Variants in GALNT18 observed in about 807,000 individuals in gnomAD.
GALNT18 encodes polypeptide N-acetylgalactosaminyltransferase 18, also known as GalNAc-transferase 18.
Under a neutral mutation model 69.5 loss-of-function variants are expected in GALNT18, and 44 were observed. That is an observed-to-expected ratio of 0.63 (90% CI 0.50 to 0.81). GALNT18 has a LOEUF of 0.81. GALNT18 is among the 40% of genes least tolerant of loss of function. The probability of loss-of-function intolerance (pLI) is 0.00; values close to 1 mark genes in which losing one functional copy is unlikely to be tolerated. For synonymous variants in GALNT18, 364 were observed against 318.2 expected (o/e 1.14, Z -1.53); for missense variants, 715 against 810.0 (o/e 0.88, Z 1.42).
At chr11:11,414,207 T>C (rs1854799717) in intron 3 of GALNT18, among the ~76,000 whole-genome samples, 1 of 152,222 alleles carries the variant, frequency 6.6e-6, no homozygotes. Context: ...GTGGCTACTC[T>C]TACCCATTCC....
At chr11:11,579,761 T>C (rs1025657306) in intron 1 of GALNT18, among the ~76,000 whole-genome samples, 11 of 152,210 alleles carry the variant, frequency 7.2e-5, no homozygotes, top group African/African-American at 2.7e-4. Flanking sequence ...CAGACAATTG[T>C]ATAAATCAAT....
chr11:11,303,493 A>G (rs1849531157), intron 9 of GALNT18, among the ~76,000 whole-genome samples: 1 of 152,064 alleles, frequency 6.6e-6, no homozygotes, highest in African/African-American at 2.4e-5. Flanking sequence ...ACTCAAGACA[A>G]TGCTGGCCCA....
At chr11:11,329,275 C>T (rs1032676459) in intron 8 of GALNT18, among the ~76,000 whole-genome samples, 9 of 152,046 alleles carry the variant, frequency 5.9e-5, no homozygotes, top group African/African-American at 2.2e-4. Context: ...CAAAGCCATT[C>T]AGGGAAACCA....
At chr11:11,406,657 C>T (rs142381047) in intron 3 of GALNT18, among the ~76,000 whole-genome samples, 83 of 152,266 alleles carry the variant, frequency 5.5e-4, no homozygotes, top group Non-Finnish European at 8.7e-4. Flanking sequence ...CCATACAAGT[C>T]GGGGCAGTAT....
chr11:11,400,835 C>T (rs1219438835), intron 3 of GALNT18, among the ~76,000 whole-genome samples: 2 of 151,910 alleles, frequency 1.3e-5, no homozygotes, highest in Admixed American at 6.5e-5. Flanking sequence ...AGGTGTCTAG[C>T]TCTTGTTCCA....
intron 1 of GALNT18, among the ~76,000 whole-genome samples, chr11:11,514,030 T>C (rs1857217012): frequency 6.6e-6 from 1 of 152,160 alleles, no homozygotes; most frequent in Non-Finnish European, 1.5e-5. Context: ...GGGGACCCTG[T>C]TGCTGTGAGA....
rs1193662464 is a variant in GALNT18 at position 11,480,609 on chromosome 11, A to T, written c.236-31673T>A. Among the ~76,000 whole-genome samples the T allele has an allele frequency of 6.6e-6, 1 of 152,108 alleles. No individual in the cohort carries two copies. The highest frequency in any genetic ancestry group is 1.9e-4 in the East Asian group (1 of 5,176). ...ACCTGGTCCCAGTACTGGTTTTGAGATCTGATTCTGTAATGCAGTGGCACC... is the reference window on the plus strand; with the variant it reads ...ACCTGGTCCCAGTACTGGTTTTGAGTTCTGATTCTGTAATGCAGTGGCACC... On this transcript the variant is annotated intron_variant, in intron 1 of 10. Transcript: ENST00000227756. This position sits in a 1 kb window ranked among gnomAD's most constrained non-coding sequence, Gnocchi z 4.6.
rs1356740592 is a variant in GALNT18, at chr11:11,396,734, G to A, written c.596-17470C>T. Among the ~76,000 whole-genome samples, 1 of 152,136 alleles carries A rather than the reference G, an allele frequency of 6.6e-6. No homozygotes were observed. The highest frequency in any genetic ancestry group is 6.5e-5 in the Admixed American group (1 of 15,286). On this transcript the variant is annotated intron_variant, in intron 3 of 10. Coordinates refer to ENST00000227756, the MANE Select transcript of GALNT18 (RefSeq NM_198516.3). The surrounding 1 kb of genome is among the most constrained non-coding windows in gnomAD (Gnocchi z 5.2). ...AAGAAGAACAGAGGTGAGAGCTCTG[G>A]ATCTCTAATCTGCAGTTGATGCTCT...
chr11:11,397,588 C>G (rs976090187), intron 3 of GALNT18, among the ~76,000 whole-genome samples: 3 of 152,126 alleles, frequency 2.0e-5, no homozygotes, highest in Admixed American at 6.5e-5. Context: ...CTCAGCCTCC[C>G]AAGTAGCTGG....
chr11:11,488,807 A>T (rs1564974831), intron 1 of GALNT18, among the ~76,000 whole-genome samples: 1 of 152,144 alleles, frequency 6.6e-6, no homozygotes, highest in South Asian at 2.1e-4. Flanking sequence ...CACCACATGG[A>T]TTCCTAAAAG....
intron 9 of GALNT18, among the ~76,000 whole-genome samples, chr11:11,319,823 A>C (rs1050315413): frequency 6.6e-6 from 1 of 152,214 alleles, no homozygotes; most frequent in Non-Finnish European, 1.5e-5. Flanking sequence ...TTTTTAAGCT[A>C]AACAATTCCT....
rs1041795227 is a variant in GALNT18 at position 11,563,670 on chromosome 11, C to T, written c.235+57689G>A. Among the ~76,000 whole-genome samples, 2 of 152,152 alleles carry T rather than the reference C, an allele frequency of 1.3e-5. No homozygotes were observed. The highest frequency in any genetic ancestry group is 1.9e-4 in the East Asian group (1 of 5,186). On this transcript the variant is annotated intron_variant, in intron 1 of 10. Coordinates refer to ENST00000227756, the MANE Select transcript of GALNT18 (RefSeq NM_198516.3). The surrounding 1 kb of genome is among the most constrained non-coding windows in gnomAD (Gnocchi z 4.6). ...TGGTTGCTGGTGGGGGCCCCACAGC[C>T]GGCAAGTGGGATTCAAACCCAGGCT...
At chr11:11,305,808 T>C (rs1419395148) in intron 9 of GALNT18, among the ~76,000 whole-genome samples, 2 of 152,238 alleles carry the variant, frequency 1.3e-5, no homozygotes, top group African/African-American at 2.4e-5. Flanking sequence ...CCCACCCTTA[T>C]ATCTCTATTA....
In GALNT18 at chr11:11,281,126, C is replaced by T. The variant is rs533240630; in HGVS notation, c.1678-9836G>A. Among the ~76,000 whole-genome samples the T allele has an allele frequency of 5.0e-4, 76 of 152,306 alleles. 4 individuals are homozygous for T. In the South Asian group the frequency reaches 0.013, roughly 27 times the overall value. ...CTTCCCCACCATGCTGGGAGCAGCA[C>T]GCAGGCAGGGGACCAAAACCAGCCC... On this transcript the variant is annotated intron_variant, in intron 10 of 10. Transcript: ENST00000227756.
intron 10 of GALNT18, among the ~76,000 whole-genome samples, chr11:11,290,730 A>C (rs560560052): frequency 4.6e-4 from 70 of 152,054 alleles, no homozygotes; most frequent in African/African-American, 1.7e-3. Flanking sequence ...CTGCACCACC[A>C]CCAACTTCCT....
intron 1 of GALNT18, among the ~76,000 whole-genome samples, chr11:11,450,331 T>C (rs1855765239): frequency 6.6e-6 from 1 of 152,162 alleles, no homozygotes; most frequent in African/African-American, 2.4e-5. Flanking sequence ...GCTGGAGTGC[T>C]GGGGCTATGG....
intron 1 of GALNT18, among the ~76,000 whole-genome samples, chr11:11,534,030 A>G (rs10831634): frequency 0.45 from 68,049 of 152,114 alleles, 15,846 homozygotes; most frequent in East Asian, 0.81. Flanking sequence ...ACGCAGCCTC[A>G]TCACACCCCA....
In GALNT18 at chr11:11,332,582, A is replaced by C; in HGVS notation, c.1416+112T>G. ...AACCCAGCGCCCGGTCCCCAGGCCT[A>C]CTGCAGTTCTTCATGTGAGCAGCTG... On this transcript the variant is annotated intron_variant, in intron 8 of 10. Transcript: ENST00000227756. This position sits in a 1 kb window ranked among gnomAD's most constrained non-coding sequence, Gnocchi z 4.3. The C allele has an allele frequency of 1.6e-6, 2 of 1,230,888 alleles. No homozygotes were observed. Among genetic ancestry groups the C allele is most frequent in the South Asian group, 1.4e-5 (1 of 72,204 alleles). 76.2% of individuals were successfully genotyped at this position (1,230,888 alleles called of 1,614,324 possible). A position where few individuals can be genotyped will look rare whatever the true frequency, so the allele number is the denominator to read the frequency against.
Position 11,459,582 on chromosome 11 carries a change from G to T in GALNT18, c.236-10646C>A, listed in dbSNP as rs1296623827. Among the ~76,000 whole-genome samples, 1 of 152,182 alleles carries T rather than the reference G, an allele frequency of 6.6e-6. No homozygotes were observed. The highest frequency in any genetic ancestry group is 2.4e-5 in the African/African-American group (1 of 41,446). On this transcript the variant is annotated intron_variant, in intron 1 of 10. Coordinates refer to ENST00000227756, the MANE Select transcript of GALNT18 (RefSeq NM_198516.3). The surrounding 1 kb of genome is among the most constrained non-coding windows in gnomAD (Gnocchi z 5.0). ...CCCACCAGACTGAGGAGCTCTGGAG[G>T]CACCTCTGCCCTGGATTGGCTGTGT...
Sources: allele counts gnomAD v4.1 joint callset (sites outside exome capture counted in the v4.1 genomes callset), GRCh38; gene constraint gnomAD v4.1.1; non-coding constraint Gnocchi (gnomAD v3.1); transcripts MANE v1.5; gene names NCBI Gene and HGNC (gene_info 2026-07-23, HGNC 2026-07-21).